DNAH8: variants seen among roughly 807,000 people sequenced by gnomAD.
The protein encoded by DNAH8 is dynein axonemal heavy chain 8, also known as axonemal beta dynein heavy chain 8.
DNAH8 carries 382 observed loss-of-function variants against 562.1 expected under a neutral mutation model. That is an observed-to-expected ratio of 0.68 (90% confidence interval 0.63 to 0.74). DNAH8 has a LOEUF of 0.74. DNAH8 is among the 30% of genes least tolerant of loss of function. DNAH8 has a pLI of 0.00. For synonymous variants in DNAH8, 1,881 were observed against 1,919.4 expected (o/e 0.98, Z 0.52); for missense variants, 5,203 against 5,620.4 (o/e 0.93, Z 2.37).
chr6:38,968,557 A>G (rs1763130678), intron 82 of DNAH8, among the ~76,000 whole-genome samples: 1 of 152,166 alleles, frequency 6.6e-6, no homozygotes, highest in African/African-American at 2.4e-5. Flanking sequence ...GTTATTAGGG[A>G]AATGCAAATT....
rs1561797643 is a variant in DNAH8, at chr6:38,874,097, TC to T, written c.7620+722del. On this transcript the variant is annotated intron_variant, in intron 52 of 92. Transcript: ENST00000327475. ...CTTTCTTTCTTTCTTTCTTTCTTTC[TC>T]TTTCTCCTTCCTTCCTTCCTCCTTC... Among the ~76,000 whole-genome samples, 152 of 105,578 alleles carry T rather than the reference TC, an allele frequency of 1.4e-3. 4 individuals are homozygous for T. The highest frequency in any genetic ancestry group is 4.9e-3 in the African/African-American group (138 of 27,950). The allele number at this position is 105,578 out of a possible 152,430, so 69.3% of individuals were successfully genotyped here. A position where few individuals can be genotyped will look rare whatever the true frequency, so the allele number is the denominator to read the frequency against.
rs770644934 is a variant in DNAH8 at position 39,026,546 on chromosome 6, G to A, written c.13715G>A (p.Gly4572Asp). The A allele has an allele frequency of 1.2e-6, 2 of 1,600,314 alleles. No individual in the cohort carries two copies. Among genetic ancestry groups the A allele is most frequent in the Non-Finnish European group, 1.7e-6 (2 of 1,175,362 alleles). Residue 4572 changes from glycine (G) to aspartate (D), a missense_variant and splice_region_variant, in exon 92 of 93, where the codon GGC (glycine) becomes GAC (aspartate). This residue lies in a region of DNAH8 where 1,399 missense variants were observed against 1,518.4 expected (regional missense o/e 0.92). Transcript: ENST00000327475. Reference sequence around the variant, plus strand: ...AACATCTCTTCTTTTTTTCTTTAAGGCTTCCTCACAGCAATGAGGCAAGAA... The same window carrying A: ...AACATCTCTTCTTTTTTTCTTTAAGACTTCCTCACAGCAATGAGGCAAGAA... Reference protein sequence around the residue: ...FWMTGFFNPQGFLTAMRQEVT... With the variant: ...FWMTGFFNPQDFLTAMRQEVT...
At chr6:38,850,215 A>G (rs2150386337) in intron 37 of DNAH8, 36 bp from the exon 38 acceptor site, 1 of 1,593,496 alleles carries the variant, frequency 6.3e-7, no homozygotes, top group South Asian at 1.1e-5. Flanking sequence ...CAATTATCCA[A>G]ATGCTAATCT....
intron 12 of DNAH8, among the ~76,000 whole-genome samples, chr6:38,775,298 A>G (rs946642016): frequency 2.6e-5 from 4 of 152,214 alleles, no homozygotes; most frequent in African/African-American, 9.6e-5. Flanking sequence ...GATTGCTGCC[A>G]TTATTCAAGC....
intron 32 of DNAH8, among the ~76,000 whole-genome samples, chr6:38,836,510 C>A (rs1317485308): frequency 4.6e-5 from 6 of 131,378 alleles, no homozygotes; most frequent in African/African-American, 1.6e-4. Flanking sequence ...AACAAAAAAA[C>A]CATCTCAAAA....
Position 39,026,673 on chromosome 6 carries a change from C to A in DNAH8, c.13836+6C>A, listed in dbSNP as rs750969989. On this transcript the variant is annotated splice_donor_region_variant and intron_variant, in intron 92 of 92. Coordinates refer to ENST00000327475, the MANE Select transcript of DNAH8 (RefSeq NM_001206927.2). Reference sequence around the variant, plus strand: ...AGATCACGTCACCCCCTGGGGTAGGCGTTGCTGGGCAATAGCAGGGACCAT... The same window carrying A: ...AGATCACGTCACCCCCTGGGGTAGGAGTTGCTGGGCAATAGCAGGGACCAT... 4.3e-6 allele frequency: 7 copies of A among 1,612,348 alleles called. No homozygotes were observed. The South Asian group carries it at 7.7e-5, about 18-fold the overall frequency.
chr6:38,794,352 A>C (rs1256227516), intron 21 of DNAH8, among the ~76,000 whole-genome samples: 2 of 152,050 alleles, frequency 1.3e-5, no homozygotes, highest in African/African-American at 2.4e-5. Context: ...AGCCCATAGA[A>C]GCTATGGTTT....
chr6:38,886,759 T>C, intron 56 of DNAH8, 32 bp from the exon 57 acceptor site: 5 of 1,513,752 alleles, frequency 3.3e-6, no homozygotes, highest in Non-Finnish European at 3.7e-6. Context: ...GATAGTGATA[T>C]GTTACAAAAA....
chr6:38,777,979 A>G (rs936998408), intron 13 of DNAH8, among the ~76,000 whole-genome samples: 1 of 152,244 alleles, frequency 6.6e-6, no homozygotes, highest in Non-Finnish European at 1.5e-5. Flanking sequence ...GGCAAACCAC[A>G]TGTCACTTTA....
At chr6:38,929,738 A>G in intron 75 of DNAH8, 72 bp downstream of exon 75, 1 of 1,332,762 alleles carries the variant, frequency 7.5e-7, no homozygotes, top group East Asian at 2.6e-5. Context: ...AAAATTAAGA[A>G]AGAGAAAGAA....
At chr6:38,989,549 G>T (rs556095367) in intron 87 of DNAH8, among the ~76,000 whole-genome samples, 17 of 152,206 alleles carry the variant, frequency 1.1e-4, no homozygotes, top group Admixed American at 7.9e-4. Context: ...TCTCCTGGCC[G>T]TGTGCTGGGG....
intron 24 of DNAH8, 94 bp from the exon 25 acceptor site, chr6:38,813,960 G>C: frequency 1.1e-6 from 1 of 907,982 alleles, no homozygotes; most frequent in South Asian, 1.5e-5. Context: ...TTTTAAAAAT[G>C]ATCTTTATTG....
intron 1 of DNAH8, among the ~76,000 whole-genome samples, chr6:38,715,943 TATA>T (rs1562520684): frequency 2.2e-4 from 6 of 26,870 alleles, no homozygotes; most frequent in East Asian, 1.5e-3. Context: ...TATATATATA[TATA>T]TATATATATA....
At chr6:38,854,194 A>G (rs1376271275) in intron 41 of DNAH8, among the ~76,000 whole-genome samples, 1 of 152,132 alleles carries the variant, frequency 6.6e-6, no homozygotes, top group Non-Finnish European at 1.5e-5. Context: ...TAAATTGTTG[A>G]GAGGCTTTTT....
chr6:38,755,101 T>G (rs1164933557), intron 9 of DNAH8, among the ~76,000 whole-genome samples: 1 of 152,112 alleles, frequency 6.6e-6, no homozygotes, highest in Non-Finnish European at 1.5e-5. Flanking sequence ...ATGTTTACCT[T>G]AACAGGGAGG....
Position 38,786,752 on chromosome 6 carries a change from T to A in DNAH8, c.2396-13T>A. 6.2e-7 allele frequency: 1 copy of A among 1,608,050 alleles called. No individual in the cohort carries two copies. ...ATTCAGAATGAGTAATGTCAATCAT[T>A]ATTTATTTGTAGCTTTACAAGCCAC... On this transcript the variant is annotated splice_polypyrimidine_tract_variant and intron_variant, in intron 17 of 92. Transcript: ENST00000327475.
chr6:38,888,642 A>G (rs1779126101), intron 57 of DNAH8, among the ~76,000 whole-genome samples: 1 of 152,260 alleles, frequency 6.6e-6, no homozygotes, highest in South Asian at 2.1e-4. Flanking sequence ...GATGGTAAAC[A>G]TCATCAGTAT....
chr6:38,929,641 T>G lies in DNAH8; in HGVS notation c.11249T>G (p.Phe3750Cys). 1 of 1,579,762 alleles carries G rather than the reference T, an allele frequency of 6.3e-7. No individual in the cohort carries two copies. Among genetic ancestry groups the G allele is most frequent in the Non-Finnish European group, 8.6e-7 (1 of 1,165,722 alleles). Residue 3750 changes from phenylalanine (F) to cysteine (C), a missense_variant, in exon 75 of 93, where the codon TTT becomes TGT. Coordinates refer to ENST00000327475, the MANE Select transcript of DNAH8 (RefSeq NM_001206927.2). Reference sequence around the variant, plus strand: ...TTGGATAATGTATTAGAAAAGAATTTTATTAAATCTGGCACCACTTTCAAG... The same window carrying G: ...TTGGATAATGTATTAGAAAAGAATTGTATTAAATCTGGCACCACTTTCAAG... ...PALDNVLEKN[F>C]IKSGTTFKVK...
chr6:38,926,340 T>C (rs1782121070), intron 74 of DNAH8, 130 bp downstream of exon 74: 2 of 983,724 alleles, frequency 2.0e-6, no homozygotes, highest in Non-Finnish European at 2.9e-6. Flanking sequence ...TCTTGAGTTT[T>C]GTAACAGCAA....
Sources: gnomAD v4.1 joint callset for allele counts (sites outside exome capture counted in the v4.1 genomes callset) on GRCh38, gnomAD v4.1.1 for gene constraint, gnomAD v4.1.1 regional missense constraint, MANE v1.5 for transcripts, NCBI Gene and HGNC (gene_info 2026-07-23, HGNC 2026-07-21) for gene names.